The following KALRN variants were observed in gnomAD, a reference collection of about 807,000 sequenced individuals.
KALRN encodes kalirin RhoGEF kinase.
Under a neutral mutation model 353.7 loss-of-function variants are expected in KALRN, and 70 were observed. The ratio of observed to expected loss-of-function variants is 0.20; its 90% CI spans 0.16 to 0.24. The LOEUF (loss-of-function observed/expected upper bound fraction) is 0.24, where lower values mean the gene tolerates loss of function less well. KALRN is among the 10% of genes least tolerant of loss of function. The probability of loss-of-function intolerance (pLI) is 1.00; values close to 1 mark genes in which losing one functional copy is unlikely to be tolerated. For missense variants in KALRN, 2,791 were observed against 3,756.7 expected, an observed-to-expected ratio of 0.74 and a Z score of 6.72; for synonymous variants, 1,391 against 1,434.8, an observed-to-expected ratio of 0.97 and a Z score of 0.69.
chr3:124,469,054 T>C (rs537130702), intron 25 of KALRN, among the ~76,000 whole-genome samples: 1 of 152,372 alleles, frequency 6.6e-6, no homozygotes, highest in African/African-American at 2.4e-5. Flanking sequence ...CACCACCTTA[T>C]TGGAGATGAG....
At chr3:124,242,831 C>G (rs1560336324) in intron 3 of KALRN, among the ~76,000 whole-genome samples, 1 of 152,060 alleles carries the variant, frequency 6.6e-6, no homozygotes, top group Non-Finnish European at 1.5e-5. Flanking sequence ...GTTCCTCCCC[C>G]AGGTGTTTGT....
intron 11 of KALRN, among the ~76,000 whole-genome samples, chr3:124,388,647 C>T (rs570266069): frequency 5.5e-4 from 83 of 152,250 alleles, no homozygotes; most frequent in African/African-American, 1.9e-3. Context: ...TAATCTACTG[C>T]AGTTCTTTGA....
At position 124,536,881 on chromosome 3, in the gene KALRN, A is replaced by G. The variant is rs1341115196; in HGVS notation, c.4936-25962A>G. On this transcript the variant is annotated intron_variant, in intron 33 of 59. Transcript: ENST00000682506. Reference sequence around the variant, plus strand: ...TTCTGAAAGGACTTGAGAAAGTTCAATTAAAACACTAAAAAAGATGTGAAA... The same window carrying G: ...TTCTGAAAGGACTTGAGAAAGTTCAGTTAAAACACTAAAAAAGATGTGAAA... 2.0e-5 allele frequency among the ~76,000 whole-genome samples: 3 copies of G among 152,226 alleles called. No individual in the cohort carries two copies. In the East Asian group the frequency reaches 5.8e-4, roughly 29 times the overall value.
chr3:124,064,581 C>T (rs1017779436), intron 1 of KALRN, among the ~76,000 whole-genome samples: 9 of 152,162 alleles, frequency 5.9e-5, no homozygotes, highest in Non-Finnish European at 8.8e-5. Context: ...GACCTCCCAC[C>T]GCACACACTG....
chr3:124,510,690 C>T (rs926827276), intron 33 of KALRN, among the ~76,000 whole-genome samples: 1 of 152,134 alleles, frequency 6.6e-6, no homozygotes, highest in Non-Finnish European at 1.5e-5. Flanking sequence ...ATCAACTCAG[C>T]ACCTCTTCTC....
At chr3:124,046,983 C>CTTTTTT (rs201245508) in intron 1 of KALRN, among the ~76,000 whole-genome samples, 5 of 116,920 alleles carry the variant, frequency 4.3e-5, no homozygotes, top group Admixed American at 8.8e-5. Flanking sequence ...GGAAATGTAT[C>CTTTTTT]TTTTTTTTTT....
chr3:124,257,043 A>G (rs1037077239), intron 3 of KALRN, among the ~76,000 whole-genome samples: 5 of 152,226 alleles, frequency 3.3e-5, no homozygotes, highest in African/African-American at 9.6e-5. Context: ...TATTCTTGCA[A>G]TAAATGACTC....
chr3:124,548,047 A>C (rs2069939486), intron 33 of KALRN, among the ~76,000 whole-genome samples: 1 of 152,214 alleles, frequency 6.6e-6, no homozygotes, highest in Non-Finnish European at 1.5e-5. Flanking sequence ...AGGAACTCTC[A>C]GCGAGTGTGG....
Position 124,279,317 on chromosome 3 carries a change from GA to G in KALRN, c.969+10066del, listed in dbSNP as rs1437424853. Among the ~76,000 whole-genome samples, 5 of 152,326 alleles carry G rather than the reference GA, an allele frequency of 3.3e-5. No homozygotes were observed. The East Asian group carries it at 9.6e-4, about 29-fold the overall frequency. On this transcript the variant is annotated intron_variant, in intron 5 of 59. Coordinates refer to ENST00000682506, the MANE Select transcript of KALRN (RefSeq NM_001388419.1). ...CCTTAGGATTATTGTATGAGTTAAA[GA>G]AAATGTACATAAATCTACCAGTATG...
chr3:124,646,350 C>T (rs925867708), intron 37 of KALRN, among the ~76,000 whole-genome samples: 4 of 150,484 alleles, frequency 2.7e-5, no homozygotes, highest in South Asian at 2.1e-4. Flanking sequence ...GATTTTAGTC[C>T]GACATCTCTC....
intron 1 of KALRN, among the ~76,000 whole-genome samples, chr3:124,153,588 G>A (rs1411644401): frequency 2.0e-5 from 3 of 151,066 alleles, no homozygotes; most frequent in African/African-American, 7.3e-5. Context: ...ACGTGTGCAT[G>A]TGTCTTTATA....
intron 3 of KALRN, among the ~76,000 whole-genome samples, chr3:124,236,586 G>C (rs2079799896): frequency 6.6e-6 from 1 of 152,188 alleles, no homozygotes; most frequent in Non-Finnish European, 1.5e-5. Flanking sequence ...TTTCCTGCGT[G>C]TTCATCACAT....
chr3:124,478,407 C>A (rs1013720645), intron 27 of KALRN, among the ~76,000 whole-genome samples: 1 of 152,206 alleles, frequency 6.6e-6, no homozygotes. Flanking sequence ...GAAACCTTCC[C>A]TGAGCATCTT....
intron 5 of KALRN, among the ~76,000 whole-genome samples, chr3:124,271,308 A>C (rs1210354796): frequency 2.0e-5 from 3 of 152,144 alleles, no homozygotes; most frequent in African/African-American, 7.2e-5. Flanking sequence ...GGGGCACTTC[A>C]TGGTATCCCT....
intron 1 of KALRN, among the ~76,000 whole-genome samples, chr3:124,144,678 T>C (rs2067103319): frequency 6.6e-6 from 1 of 151,606 alleles, no homozygotes; most frequent in South Asian, 2.1e-4. Flanking sequence ...CTCATCCTCC[T>C]CCTCTTCCTC....
chr3:124,608,405 G>T (rs1384437320), intron 34 of KALRN, among the ~76,000 whole-genome samples: 1 of 152,142 alleles, frequency 6.6e-6, no homozygotes, highest in East Asian at 1.9e-4. Context: ...GGGCCATGAA[G>T]AGCAGATGAG....
chr3:124,200,658 TGA>T (rs2075867845), intron 1 of KALRN, among the ~76,000 whole-genome samples: 1 of 152,148 alleles, frequency 6.6e-6, no homozygotes, highest in African/African-American at 2.4e-5. Context: ...GAACAATGCA[TGA>T]GAGAATGCAT....
At chr3:124,121,093 C>CAACAA in intron 1 of KALRN, among the ~76,000 whole-genome samples, 1 of 75,114 alleles carries the variant, frequency 1.3e-5, no homozygotes, top group Admixed American at 1.8e-4. Context: ...GACTCCATCT[C>CAACAA]AAAAAAAAAA....
Position 124,234,922 on chromosome 3 carries a change from C to A in KALRN, c.242C>A (p.Thr81Lys). 1 of 1,604,370 alleles carries A rather than the reference C, an allele frequency of 6.2e-7. No individual in the cohort carries two copies. The highest frequency in any genetic ancestry group is 1.1e-5 in the South Asian group (1 of 89,190). The change falls in exon 3 of 60, where the codon ACG (threonine) becomes AAG (lysine). Residue 81 changes from threonine (T) to lysine (K), a missense_variant. Thr to Lys is a moderately conservative substitution (Grantham distance 78, BLOSUM62 -1). Coordinates refer to ENST00000682506, the MANE Select transcript of KALRN (RefSeq NM_001388419.1). ...IRQEDLRKLV[T>K]YLASVPSEDV... ...CAGGAAGACCTGCGGAAACTCGTGA[C>A]GTATTTGGCCAGCGTGCCAAGGTAA... is the stretch of plus-strand genomic sequence containing the variant.
Sources: gnomAD v4.1 joint callset for allele counts (sites outside exome capture counted in the v4.1 genomes callset) on GRCh38, gnomAD v4.1.1 for gene constraint, MANE v1.5 for transcripts, NCBI Gene and HGNC (gene_info 2026-07-23, HGNC 2026-07-21) for gene names.